The following ICE1 variants were observed in gnomAD, a reference collection of about 807,000 sequenced individuals.
The protein encoded by ICE1 is little elongation complex subunit 1.
A neutral mutation model predicts 192.7 loss-of-function variants in ICE1; 64 were observed. The ratio of observed to expected loss-of-function variants is 0.33; its 90% confidence interval spans 0.27 to 0.41. ICE1 has a LOEUF of 0.41. Among genes scored for constraint, ICE1 ranks in the 10% least tolerant of loss-of-function variants. ICE1 has a pLI of 1.00. For synonymous variants in ICE1, 1,010 were observed against 984.5 expected (o/e 1.03, Z -0.49); for missense variants, 2,708 against 2,696.0 (o/e 1.00, Z -0.10).
At chr5:5,427,770 A>G (rs1737568110) in intron 1 of ICE1, among the ~76,000 whole-genome samples, 1 of 152,208 alleles carries the variant, frequency 6.6e-6, no homozygotes, top group Non-Finnish European at 1.5e-5. Flanking sequence ...CGATGTATAT[A>G]TGATGCTATC....
Position 5,457,471 on chromosome 5 carries a change from T to C in ICE1, c.831T>C (p.Phe277=). The part of the protein sequence containing the change: ...TKLSMEIKED[F]LCQNVEKQSS... ...TGTCCATGGAGATAAAGGAGGACTT[T>C]TTATGTCAAAATGTGGAAAAACAGA... Residue 277 remains phenylalanine, a synonymous_variant, in exon 12 of 19, where the codon TTT becomes TTC. Transcript: ENST00000296564. The C allele has an allele frequency of 1.9e-6, 3 of 1,613,916 alleles. No homozygotes were observed. The highest frequency in any genetic ancestry group is 2.5e-6 in the Non-Finnish European group (3 of 1,179,876).
At position 5,460,650 on chromosome 5, in the gene ICE1, C is replaced by T. The variant is rs1426222665; in HGVS notation, c.1316C>T (p.Thr439Ile). The T allele has an allele frequency of 1.9e-6, 3 of 1,613,904 alleles. No homozygotes were observed. Among genetic ancestry groups the T allele is most frequent in the Non-Finnish European group, 1.7e-6 (2 of 1,179,856 alleles). The change falls in exon 13 of 19, where the codon ACT (threonine) becomes ATT (isoleucine). Residue 439 changes from threonine (T) to isoleucine (I), a missense_variant. Physicochemically the swap from Thr to Ile is moderately conservative, Grantham distance 89 (BLOSUM62 -1). This residue lies in a region of ICE1 where 2,366 missense variants were observed against 2,276.6 expected (regional missense o/e 1.04). Coordinates refer to ENST00000296564, the MANE Select transcript of ICE1 (RefSeq NM_015325.3). The part of the protein sequence containing the change: ...LNTWEVNKVT[T>I]SGLETFTATL... Reference sequence around the variant, plus strand: ...ACATGGGAAGTAAATAAAGTGACAACTTCTGGACTCGAGACTTTCACAGCA... The same window carrying T: ...ACATGGGAAGTAAATAAAGTGACAATTTCTGGACTCGAGACTTTCACAGCA...
chr5:5,462,454 C>G lies in ICE1; in HGVS notation c.3120C>G (p.Ser1040Arg). 6.2e-7 allele frequency: 1 copy of G among 1,613,984 alleles called. No homozygotes were observed. Among genetic ancestry groups the G allele is most frequent in the Non-Finnish European group, 8.5e-7 (1 of 1,179,890 alleles). ...EALAVANDST[S>R]TPQNANGLWK... The stretch of plus-strand genomic sequence containing the variant: ...TGGCTGTTGCAAATGATTCTACCAG[C>G]ACACCACAAAATGCTAATGGACTTT... Residue 1040 changes from serine (S) to arginine (R), a missense_variant, in exon 13 of 19, where the codon AGC becomes AGG. By Grantham distance (110) the Ser-to-Arg change is moderately radical (BLOSUM62 -1). This residue lies in a region of ICE1 where 2,366 missense variants were observed against 2,276.6 expected (regional missense o/e 1.04). Transcript: ENST00000296564.
chr5:5,431,815 G>A (rs543249304), intron 1 of ICE1, among the ~76,000 whole-genome samples: 1 of 151,970 alleles, frequency 6.6e-6, no homozygotes, highest in East Asian at 1.9e-4. Context: ...TTGCTTCTGG[G>A]AACTTTTCTT....
chr5:5,425,346 T>TAAA (rs766868892), intron 1 of ICE1, among the ~76,000 whole-genome samples: 10 of 152,244 alleles, frequency 6.6e-5, no homozygotes, highest in Non-Finnish European at 1.5e-4. Flanking sequence ...CACAAGTATT[T>TAAA]AGGCTTTGGG....
chr5:5,484,093 A>G (rs1739574900), intron 17 of ICE1, among the ~76,000 whole-genome samples: 1 of 152,110 alleles, frequency 6.6e-6, no homozygotes. Flanking sequence ...TTGTATTCTA[A>G]TACGGCTGGA....
At position 5,464,096 on chromosome 5, in the gene ICE1, T is replaced by C; in HGVS notation, c.4762T>C (p.Ser1588Pro). ...THQSEVAQSFSGEKANTKTQR... is the reference protein window; with the variant it reads ...THQSEVAQSFPGEKANTKTQR... ...TCAGAGTGAAGTTGCTCAGTCATTTTCAGGGGAAAAAGCTAATACAAAAAC... is the reference window on the plus strand; with the variant it reads ...TCAGAGTGAAGTTGCTCAGTCATTTCCAGGGGAAAAAGCTAATACAAAAAC... The change falls in exon 13 of 19, where the codon TCA becomes CCA. Residue 1588 changes from serine to proline, a missense_variant. Ser to Pro is a moderately conservative substitution (Grantham distance 74). Transcript: ENST00000296564. The surrounding 1 kb of genome is among the most constrained non-coding windows in gnomAD (Gnocchi z 4.0). 3.1e-6 allele frequency: 5 copies of C among 1,613,614 alleles called. No individual in the cohort carries two copies. The highest frequency in any genetic ancestry group is 4.2e-6 in the Non-Finnish European group (5 of 1,179,890).
intron 17 of ICE1, among the ~76,000 whole-genome samples, chr5:5,478,905 C>T (rs1393222140): frequency 6.6e-6 from 1 of 152,146 alleles, no homozygotes; most frequent in African/African-American, 2.4e-5. Flanking sequence ...ATGCATAAAA[C>T]TGAAATTGGA....
chr5:5,441,080 T>C, intron 4 of ICE1, 32 bp from the exon 5 acceptor site: 1 of 1,305,390 alleles, frequency 7.7e-7, no homozygotes, highest in Non-Finnish European at 1.1e-6. Flanking sequence ...TATAGATCCT[T>C]TTCTGTAATA....
chr5:5,484,679 C>T (rs191360339), intron 17 of ICE1, among the ~76,000 whole-genome samples: 1 of 152,280 alleles, frequency 6.6e-6, no homozygotes, highest in East Asian at 1.9e-4. Flanking sequence ...AATATTCAGG[C>T]TGCACGTACC....
chr5:5,478,392 A>G (rs960098167), intron 17 of ICE1, among the ~76,000 whole-genome samples: 2 of 152,204 alleles, frequency 1.3e-5, no homozygotes, highest in Non-Finnish European at 1.5e-5. Flanking sequence ...GCCTAGTAAT[A>G]AAACTTACAA....
intron 10 of ICE1, among the ~76,000 whole-genome samples, chr5:5,452,346 A>C (rs1738448110): frequency 6.6e-6 from 1 of 152,016 alleles, no homozygotes; most frequent in South Asian, 2.1e-4. Context: ...AGCTTGGTAA[A>C]GTGCTGGCAT....
At chr5:5,455,890 G>T (rs1467403043) in intron 11 of ICE1, among the ~76,000 whole-genome samples, 2 of 152,028 alleles carry the variant, frequency 1.3e-5, no homozygotes, top group Non-Finnish European at 2.9e-5. Context: ...TTTCCAGGAT[G>T]CAGTACAGGA....
intron 1 of ICE1, among the ~76,000 whole-genome samples, chr5:5,428,460 T>A (rs148812593): frequency 1.2e-3 from 177 of 152,348 alleles, no homozygotes; most frequent in African/African-American, 4.0e-3. Context: ...GTGTGATTTT[T>A]AAAAATAATT....
chr5:5,480,919 AATGAAACT>A (rs1739485564), intron 17 of ICE1, among the ~76,000 whole-genome samples: 1 of 152,192 alleles, frequency 6.6e-6, no homozygotes, highest in Non-Finnish European at 1.5e-5. Context: ...CAGAAGTGGA[AATGAAACT>A]ATGCCATGTG....
intron 12 of ICE1, 81 bp downstream of exon 12, chr5:5,457,822 A>C (rs1254322463): frequency 5.2e-6 from 7 of 1,340,198 alleles, no homozygotes; most frequent in Non-Finnish European, 7.2e-6. Flanking sequence ...AAAGGATATT[A>C]GTGATATTCT....
intron 7 of ICE1, among the ~76,000 whole-genome samples, chr5:5,445,384 T>C (rs942816319): frequency 2.0e-5 from 3 of 152,208 alleles, no homozygotes; most frequent in African/African-American, 7.2e-5. Context: ...AAGTGTCTAT[T>C]GTATTTAAAC....
chr5:5,474,069 G>A (rs141824079), intron 16 of ICE1, among the ~76,000 whole-genome samples: 2,599 of 152,084 alleles, frequency 0.017, 71 homozygotes, highest in African/African-American at 0.059. Context: ...AATTAGCTGG[G>A]CGTGGTGGTG....
At chr5:5,424,498 A>G (rs1439852971) in intron 1 of ICE1, among the ~76,000 whole-genome samples, 1 of 151,462 alleles carries the variant, frequency 6.6e-6, no homozygotes, top group Admixed American at 6.6e-5. Context: ...GCCGTATTTT[A>G]GACACTGCAA....
Sources: allele counts gnomAD v4.1 joint callset (sites outside exome capture counted in the v4.1 genomes callset), GRCh38; gene constraint gnomAD v4.1.1; regional missense constraint gnomAD v4.1.1; non-coding constraint Gnocchi (gnomAD v3.1); transcripts MANE v1.5; gene names NCBI Gene and HGNC (gene_info 2026-07-23, HGNC 2026-07-21).